QRICH1: variants seen among roughly 807,000 people sequenced by gnomAD.
The protein encoded by QRICH1 is transcriptional regulator QRICH1.
A neutral mutation model predicts 87.1 loss-of-function variants in QRICH1; 16 were observed. The observed-to-expected ratio is 0.18, with a 90% CI of 0.12 to 0.28. The LOEUF is 0.28. Ranked by LOEUF, QRICH1 falls within the 10% of genes least tolerant of loss-of-function variation. The pLI is 1.00. For synonymous variants in QRICH1, 367 were observed against 368.4 expected (o/e 1.00, Z 0.05); for missense variants, 647 against 951.7 (o/e 0.68, Z 4.21).
intron 2 of QRICH1, among the ~76,000 whole-genome samples, chr3:49,064,544 CGCCTG>C (rs1345014886): frequency 6.6e-6 from 1 of 151,834 alleles, no homozygotes; most frequent in Non-Finnish European, 1.5e-5. Context: ...TGAGCCACCA[CGCCTG>C]GCCCAAAACT....
At chr3:49,042,467 G>A (rs1043752901) in intron 6 of QRICH1, among the ~76,000 whole-genome samples, 1 of 152,096 alleles carries the variant, frequency 6.6e-6, no homozygotes, top group Non-Finnish European at 1.5e-5. Flanking sequence ...GCCACATGCC[G>A]AATTATTCCA....
At chr3:49,077,128 C>T in intron 1 of QRICH1, 90 bp from the exon 2 acceptor site, 2 of 843,342 alleles carry the variant, frequency 2.4e-6, no homozygotes, top group Non-Finnish European at 1.7e-6. Flanking sequence ...GGAATATATT[C>T]AGGGCAGCTG....
At chr3:49,050,360 T>C (rs1575339842) in intron 3 of QRICH1, among the ~76,000 whole-genome samples, 1 of 141,968 alleles carries the variant, frequency 7.0e-6, no homozygotes, top group Non-Finnish European at 1.5e-5. Context: ...GAGGCAGAGG[T>C]TGCAGTGAGC....
intron 6 of QRICH1, among the ~76,000 whole-genome samples, chr3:49,042,796 C>T (rs1245750094): frequency 6.6e-6 from 1 of 152,032 alleles, no homozygotes; most frequent in Non-Finnish European, 1.5e-5. Flanking sequence ...TGGTCTTGAA[C>T]TCCCAATATT....
chr3:49,047,722 A>G (rs1367462684), intron 3 of QRICH1, among the ~76,000 whole-genome samples: 1 of 152,046 alleles, frequency 6.6e-6, no homozygotes, highest in African/African-American at 2.4e-5. Flanking sequence ...ACCTCAGGTA[A>G]TCTGCCCGCC....
At chr3:49,031,664 G>C (rs1295184609) in intron 9 of QRICH1, among the ~76,000 whole-genome samples, 1 of 152,198 alleles carries the variant, frequency 6.6e-6, no homozygotes, top group Admixed American at 6.5e-5. Flanking sequence ...TGTTTAAGTT[G>C]AGAAGAGGCA....
intron 1 of QRICH1, among the ~76,000 whole-genome samples, chr3:49,087,388 C>A (rs1396276059): frequency 2.6e-5 from 4 of 151,714 alleles, no homozygotes. Context: ...CCTGTCTCTA[C>A]TAAAAATACA....
In QRICH1 at chr3:49,093,925, TGCCGCCGCC is replaced by T. The variant is rs540671814; in HGVS notation, c.-44_-36del. 1.6e-3 allele frequency: 395 copies of T among 242,432 alleles called. 2 individuals carry two copies. The highest frequency in any genetic ancestry group is 7.9e-3 in the African/African-American group (328 of 41,714). The allele number at this position is 242,432 out of a possible 1,614,324, so 15.0% of individuals were successfully genotyped here. On this transcript the variant is annotated 5_prime_UTR_variant, in exon 1 of 10. Transcript: ENST00000395443. ...TGGAGCCCTCACCCGGCGACGTCAC[TGCCGCCGCC>T]GCCGCCGCCTCCGCTGCACCCGCCG... is the stretch of plus-strand genomic sequence containing the variant.
chr3:49,083,236 T>TG (rs2042102324), intron 1 of QRICH1: 1 of 131,106 alleles, frequency 7.6e-6, no homozygotes, highest in African/African-American at 2.8e-5. Context: ...GGGGGGAGCC[T>TG]GGGATGATGG....
intron 2 of QRICH1, among the ~76,000 whole-genome samples, chr3:49,069,930 T>C (rs1484017927): frequency 6.6e-6 from 1 of 152,154 alleles, no homozygotes; most frequent in Non-Finnish European, 1.5e-5. Flanking sequence ...GTTCTAAAGC[T>C]ACCCCAGTGG....
intron 7 of QRICH1, 38 bp from the exon 8 acceptor site, chr3:49,032,811 G>C: frequency 6.3e-7 from 1 of 1,583,066 alleles, no homozygotes; most frequent in Non-Finnish European, 8.6e-7. Flanking sequence ...AGGGAGGGGT[G>C]CCGGGAGGAT....
rs1264713687 is a variant in QRICH1, at chr3:49,057,185, C to T, written c.1015G>A (p.Ala339Thr). The stretch of plus-strand genomic sequence containing the variant: ...GTGGGTGAGCCACTGACGTGAACTG[C>T]GTTGTAGGCTTCCTGGGGAATGGCA... ...HIAIPQEAYNAVHVSGSPTAL... is the reference protein window; with the variant it reads ...HIAIPQEAYNTVHVSGSPTAL... The change falls in exon 3 of 10, where the codon GCA (alanine) becomes ACA (threonine). Residue 339 changes from alanine (A) to threonine (T), a missense_variant. Coordinates refer to ENST00000395443, the MANE Select transcript of QRICH1 (RefSeq NM_198880.3). The surrounding 1 kb of genome is among the most constrained non-coding windows in gnomAD (Gnocchi z 5.4). 6 of 1,614,092 alleles carry T rather than the reference C, an allele frequency of 3.7e-6. No individual in the cohort carries two copies. Among genetic ancestry groups the T allele is most frequent in the East Asian group, 4.5e-5 (2 of 44,898 alleles).
Position 49,057,766 on chromosome 3 carries a change from T to C in QRICH1, c.434A>G (p.Gln145Arg). 6.2e-7 allele frequency: 1 copy of C among 1,614,128 alleles called. No homozygotes were observed. Among genetic ancestry groups the C allele is most frequent in the African/African-American group, 1.3e-5 (1 of 75,028 alleles). Residue 145 changes from glutamine to arginine, a missense_variant, in exon 3 of 10, where the codon CAG becomes CGG. Transcript: ENST00000395443. The surrounding 1 kb of genome is among the most constrained non-coding windows in gnomAD (Gnocchi z 5.4). ...VQVQIQGQAP[Q>R]SAAPSIQTPS... is the part of the protein sequence containing the mutation. ...GGTCTGAATGGAGGGGGCTGCTGAC[T>C]GTGGTGCCTGGCCTTGGATCTGCAC...
chr3:49,094,157 G>A (rs1227614567), upstream of QRICH1: 2 of 396,670 alleles, frequency 5.0e-6, no homozygotes, highest in Non-Finnish European at 4.4e-6. Flanking sequence ...TAAAGTGAAC[G>A]CTTCAGCAGG....
chr3:49,071,835 C>T (rs1184406263), intron 2 of QRICH1, among the ~76,000 whole-genome samples: 1 of 152,152 alleles, frequency 6.6e-6, no homozygotes, highest in African/African-American at 2.4e-5. Flanking sequence ...TGGGATCACA[C>T]AAGCAAGCCA....
chr3:49,050,381 C>G (rs2093363558), intron 3 of QRICH1, among the ~76,000 whole-genome samples: 1 of 143,422 alleles, frequency 7.0e-6, no homozygotes, highest in Admixed American at 7.2e-5. Context: ...CAAGATGGTG[C>G]CACTGCACTC....
chr3:49,063,154 G>A (rs1364774943), intron 2 of QRICH1, among the ~76,000 whole-genome samples: 1 of 152,150 alleles, frequency 6.6e-6, no homozygotes, highest in African/African-American at 2.4e-5. Flanking sequence ...TCCCTACAGT[G>A]TTTTAAACAT....
At chr3:49,056,799 C>A in intron 3 of QRICH1, 63 bp downstream of exon 3, 1 of 1,611,756 alleles carries the variant, frequency 6.2e-7, no homozygotes, top group Non-Finnish European at 8.5e-7. Context: ...GCGAGGCAAG[C>A]TCTGTGCTGC....
intron 2 of QRICH1, among the ~76,000 whole-genome samples, chr3:49,067,635 T>G (rs1235268933): frequency 6.6e-6 from 1 of 151,950 alleles, no homozygotes; most frequent in African/African-American, 2.4e-5. Flanking sequence ...TTAATTTATA[T>G]AAGAGCCAAG....
Sources: gnomAD v4.1 joint callset for allele counts (sites outside exome capture counted in the v4.1 genomes callset) on GRCh38, gnomAD v4.1.1 for gene constraint, Gnocchi (gnomAD v3.1) non-coding constraint, MANE v1.5 for transcripts, NCBI Gene and HGNC (gene_info 2026-07-23, HGNC 2026-07-21) for gene names.